The following NFKB1 variants were observed in gnomAD, a reference collection of about 807,000 sequenced individuals.
NFKB1 encodes nuclear factor kappa B subunit 1.
Under a neutral mutation model 105.1 loss-of-function variants are expected in NFKB1, and 9 were observed. That is an observed-to-expected ratio of 0.09 (90% CI 0.05 to 0.15). The LOEUF is 0.15. Ranked by LOEUF, NFKB1 falls within the 10% of genes least tolerant of loss-of-function variation. The probability of loss-of-function intolerance (pLI) is 1.00; values close to 1 mark genes in which losing one functional copy is unlikely to be tolerated. For missense variants in NFKB1, 830 were observed against 1,203.7 expected (o/e 0.69, Z 4.59); for synonymous variants, 440 against 442.2 (o/e 1.00, Z 0.06).
At position 102,608,888 on chromosome 4, in the gene NFKB1, C is replaced by A. The variant is rs531846984; in HGVS notation, c.2227+1137C>A. The stretch of plus-strand genomic sequence containing the variant: ...CTATAACCAGCCAGACGTGATGGCT[C>A]ACACCTGTAAACTCAGCACTTTGAG... On this transcript the variant is annotated intron_variant, in intron 19 of 23. Coordinates refer to ENST00000226574, the MANE Select transcript of NFKB1 (RefSeq NM_003998.4). 6.0e-4 allele frequency among the ~76,000 whole-genome samples: 91 copies of A among 152,236 alleles called. 1 individual carries two copies. The South Asian group carries it at 0.014, about 24-fold the overall frequency.
intron 3 of NFKB1, among the ~76,000 whole-genome samples, chr4:102,532,666 G>A (rs1281461927): frequency 6.6e-6 from 1 of 152,008 alleles, no homozygotes; most frequent in Non-Finnish European, 1.5e-5. Flanking sequence ...ATTCTCTTTT[G>A]TGTTATAGTT....
intron 5 of NFKB1, among the ~76,000 whole-genome samples, chr4:102,566,197 C>T: frequency 6.6e-6 from 1 of 152,144 alleles, no homozygotes; most frequent in Non-Finnish European, 1.5e-5. Context: ...TATCTCCATG[C>T]TATTTCCTTT....
intron 6 of NFKB1, among the ~76,000 whole-genome samples, chr4:102,572,316 A>G (rs924644095): frequency 1.1e-4 from 13 of 116,120 alleles, no homozygotes; most frequent in Non-Finnish European, 1.8e-4. Context: ...GGGGAATATC[A>G]CACCCCTGGG....
intron 5 of NFKB1, among the ~76,000 whole-genome samples, chr4:102,561,485 CTG>C (rs1723441411): frequency 6.6e-6 from 1 of 152,210 alleles, no homozygotes; most frequent in South Asian, 2.1e-4. Context: ...TTAGGAATAA[CTG>C]TCATCTATCA....
At chr4:102,526,219 G>A (rs1405126930) in intron 2 of NFKB1, among the ~76,000 whole-genome samples, 2 of 152,040 alleles carry the variant, frequency 1.3e-5, no homozygotes, top group African/African-American at 4.8e-5. Context: ...CGGGGATTAG[G>A]AGTTAAAGGT....
At chr4:102,604,820 A>G (rs921940209) in intron 16 of NFKB1, among the ~76,000 whole-genome samples, 4 of 152,052 alleles carry the variant, frequency 2.6e-5, no homozygotes, top group African/African-American at 9.7e-5. Flanking sequence ...TTGCTGGGAC[A>G]TTTGTATATT....
At chr4:102,560,152 G>A (rs911017628) in intron 5 of NFKB1, among the ~76,000 whole-genome samples, 3 of 152,056 alleles carry the variant, frequency 2.0e-5, no homozygotes, top group East Asian at 1.9e-4. Flanking sequence ...CCATCCAAAC[G>A]TAAAGATTTA....
chr4:102,587,883 A>G (rs1362703377), intron 11 of NFKB1, among the ~76,000 whole-genome samples: 2 of 152,166 alleles, frequency 1.3e-5, no homozygotes, highest in Non-Finnish European at 1.5e-5. Context: ...GCCATTTAGC[A>G]TTAGAGTAAG....
chr4:102,616,685 G>A lies in NFKB1; in HGVS notation c.*91G>A. 3 of 1,349,400 alleles carry A rather than the reference G, an allele frequency of 2.2e-6. No homozygotes were observed. Among genetic ancestry groups the A allele is most frequent in the Middle Eastern group, 1.9e-4 (1 of 5,362 alleles). The allele number at this position is 1,349,400 out of a possible 1,614,324, so 83.6% of individuals were successfully genotyped here. A position where few individuals can be genotyped will look rare whatever the true frequency, so the allele number is the denominator to read the frequency against. On this transcript the variant is annotated 3_prime_UTR_variant, in exon 24 of 24. Transcript: ENST00000226574. ...CAGAAGCTGAAGTGCATCCAAAGGT[G>A]CTCAGAGAGCCGGCCCGCCTGAATC...
At position 102,579,021 on chromosome 4, in the gene NFKB1, G is replaced by C; in HGVS notation, c.712G>C (p.Asp238His). Residue 238 changes from aspartate to histidine, a missense_variant, in exon 8 of 24, where the codon GAC becomes CAC. Transcript: ENST00000226574. ...AAGGCGCCTGGAACCCGTGGTATCAGACGCCATCTATGACAGTAGTGAGTA... is the reference window on the plus strand; with the variant it reads ...AAGGCGCCTGGAACCCGTGGTATCACACGCCATCTATGACAGTAGTGAGTA... ...FTRRLEPVVS[D>H]AIYDSKAPNA... 1 of 1,614,070 alleles carries C rather than the reference G, an allele frequency of 6.2e-7. No homozygotes were observed. The highest frequency in any genetic ancestry group is 8.5e-7 in the Non-Finnish European group (1 of 1,179,956).
At chr4:102,525,798 T>C (rs1259921458) in intron 2 of NFKB1, among the ~76,000 whole-genome samples, 2 of 152,192 alleles carry the variant, frequency 1.3e-5, no homozygotes, top group Non-Finnish European at 2.9e-5. Flanking sequence ...GGATAGCTAT[T>C]GTATTAGCTT....
chr4:102,599,995 C>A (rs767984513), intron 15 of NFKB1, among the ~76,000 whole-genome samples: 1 of 152,168 alleles, frequency 6.6e-6, no homozygotes, highest in East Asian at 1.9e-4. Flanking sequence ...TTCCTTCTAT[C>A]ATTCTTATTT....
At chr4:102,566,012 A>T (rs555864808) in intron 5 of NFKB1, among the ~76,000 whole-genome samples, 1 of 152,280 alleles carries the variant, frequency 6.6e-6, no homozygotes, top group South Asian at 2.1e-4. Context: ...AGCTGAATTT[A>T]TCACAGGGCT....
chr4:102,581,256 A>G (rs912845752), intron 9 of NFKB1, among the ~76,000 whole-genome samples: 7 of 152,180 alleles, frequency 4.6e-5, no homozygotes, highest in African/African-American at 1.2e-4. Context: ...ATTTTCTCAA[A>G]CTGCATTCTT....
chr4:102,585,002 A>T (rs886600923), intron 11 of NFKB1, among the ~76,000 whole-genome samples, 182 bp downstream of exon 11: 3 of 151,840 alleles, frequency 2.0e-5, no homozygotes, highest in African/African-American at 7.3e-5. Flanking sequence ...CTGCCCCAGC[A>T]TCTCAAATAG....
At chr4:102,519,205 A>G (rs1479650800) in intron 1 of NFKB1, among the ~76,000 whole-genome samples, 1 of 150,528 alleles carries the variant, frequency 6.6e-6, no homozygotes, top group East Asian at 1.9e-4. Flanking sequence ...GTATTTCAAT[A>G]TACTGTAGTT....
chr4:102,509,239 G>A (rs987698867), intron 1 of NFKB1, among the ~76,000 whole-genome samples: 2 of 152,054 alleles, frequency 1.3e-5, no homozygotes, highest in Admixed American at 6.5e-5. Context: ...ATATTTACTC[G>A]ATTTCCCATT....
intron 1 of NFKB1, among the ~76,000 whole-genome samples, chr4:102,520,321 C>G (rs1034345298): frequency 1.3e-4 from 20 of 152,110 alleles, no homozygotes; most frequent in Admixed American, 1.3e-3. Context: ...TATAATTTAC[C>G]ACAAACATAT....
intron 1 of NFKB1, among the ~76,000 whole-genome samples, chr4:102,502,390 G>GCGCACACACACACACACACACACACACA (rs1311577382): frequency 9.5e-6 from 1 of 105,396 alleles, no homozygotes; most frequent in African/African-American, 4.2e-5. Flanking sequence ...GCGCGCGCGC[G>GCGCACACACACACACACACACACACACA]CACACACACA....
Sources: allele counts gnomAD v4.1 joint callset (sites outside exome capture counted in the v4.1 genomes callset), GRCh38; gene constraint gnomAD v4.1.1; transcripts MANE v1.5; gene names NCBI Gene and HGNC (gene_info 2026-07-23, HGNC 2026-07-21).